The following PRSS54 variants were observed in gnomAD, a reference collection of about 807,000 sequenced individuals.
The protein encoded by PRSS54 is serine protease 54.
PRSS54 carries 16 observed loss-of-function variants against 19.9 expected under a neutral mutation model. The observed-to-expected ratio is 0.80, with a 90% CI of 0.54 to 1.22. The LOEUF is 1.22. Ranked by LOEUF, PRSS54 falls within the 50% of genes most tolerant of loss-of-function variation. PRSS54 has a pLI of 0.00. For missense variants in PRSS54, 444 were observed against 494.8 expected, an observed-to-expected ratio of 0.90 and a Z score of 0.97; for synonymous variants, 177 against 195.8, an observed-to-expected ratio of 0.90 and a Z score of 0.80.
chr16:58,283,587 T>G (rs1221521252), intron 6 of PRSS54: 1 of 152,194 alleles, frequency 6.6e-6, no homozygotes, highest in Non-Finnish European at 1.5e-5. Context: ...ATTGGCAGCA[T>G]CTTAGATCTG....
intron 3 of PRSS54, 90 bp from the exon 4 acceptor site, chr16:58,291,226 G>A (rs2142652786): frequency 2.5e-6 from 3 of 1,200,352 alleles, no homozygotes; most frequent in East Asian, 2.4e-5. Context: ...CATCACTAAC[G>A]CTATCCGCAA....
intron 3 of PRSS54, among the ~76,000 whole-genome samples, chr16:58,291,632 C>T (rs1260512817): frequency 6.6e-6 from 1 of 151,866 alleles, no homozygotes; most frequent in Non-Finnish European, 1.5e-5. Flanking sequence ...CAGGCGCCTG[C>T]CACTACCCCC....
intron 2 of PRSS54, 63 bp from the exon 3 acceptor site, chr16:58,293,885 T>C: frequency 7.4e-7 from 1 of 1,357,142 alleles, no homozygotes; most frequent in Non-Finnish European, 1.0e-6. Flanking sequence ...TTTCTATGCC[T>C]CTTTTTTCCA....
chr16:58,289,575 CTT>C (rs11371804), intron 4 of PRSS54, among the ~76,000 whole-genome samples: 1 of 146,070 alleles, frequency 6.8e-6, no homozygotes, highest in Non-Finnish European at 1.5e-5. Context: ...TTACTACATA[CTT>C]TTTTTTTTTT....
chr16:58,294,920 C>T lies in PRSS54; in HGVS notation c.-265G>A, dbSNP rs1277662456. The T allele has an allele frequency of 6.5e-6, 1 of 152,792 alleles. No individual in the cohort carries two copies. Among genetic ancestry groups the T allele is most frequent in the African/African-American group, 2.4e-5 (1 of 41,444 alleles). The allele number at this position is 152,792 out of a possible 1,614,324, so 9.5% of individuals were successfully genotyped here. A position where few individuals can be genotyped will look rare whatever the true frequency, so the allele number is the denominator to read the frequency against. On this transcript the variant is annotated 5_prime_UTR_variant, in exon 1 of 7. Coordinates refer to ENST00000567164, the MANE Select transcript of PRSS54 (RefSeq NM_001305173.2). ...ACTCATGACACTGGATGCCTCTTGT[C>T]CTCAGAATGGTCCTCAGAGTTCGTC...
At chr16:58,292,782 G>A (rs535460834) in intron 3 of PRSS54, among the ~76,000 whole-genome samples, 2 of 152,342 alleles carry the variant, frequency 1.3e-5, no homozygotes, top group South Asian at 4.1e-4. Flanking sequence ...GTTTAGGAGT[G>A]TGTGATGACT....
intron 3 of PRSS54, among the ~76,000 whole-genome samples, chr16:58,293,341 C>T (rs1434819287): frequency 1.3e-5 from 2 of 152,264 alleles, no homozygotes; most frequent in East Asian, 3.9e-4. Context: ...TCCAAGACAC[C>T]TGCAGCAGTA....
rs757740009 is a variant in PRSS54, at chr16:58,291,104, C to G, written c.118G>C (p.Gly40Arg). 5 of 1,614,006 alleles carry G rather than the reference C, an allele frequency of 3.1e-6. No homozygotes were observed. The highest frequency in any genetic ancestry group is 4.2e-6 in the Non-Finnish European group (5 of 1,180,032). Reference protein sequence around the residue: ...CGVQKASVFYGPDPKEGLVSS... With the variant: ...CGVQKASVFYRPDPKEGLVSS... Reference sequence around the variant, plus strand: ...ACCAAGCCCTCCTTGGGGTCAGGACCGTAGAAAACGGAAGCTTTCTGGACG... The same window carrying G: ...ACCAAGCCCTCCTTGGGGTCAGGACGGTAGAAAACGGAAGCTTTCTGGACG... The change falls in exon 4 of 7, where the codon GGT becomes CGT. Residue 40 changes from glycine (G) to arginine (R), a missense_variant. Gly to Arg is a moderately radical substitution (Grantham distance 125). Transcript: ENST00000567164.
intron 3 of PRSS54, among the ~76,000 whole-genome samples, chr16:58,293,367 C>G (rs1463757863): frequency 6.6e-6 from 1 of 152,146 alleles, no homozygotes; most frequent in African/African-American, 2.4e-5. Context: ...CCCCTGCTCC[C>G]GGGACCAGCC....
At chr16:58,284,504 A>G (rs1484021640) in intron 6 of PRSS54, 86 bp downstream of exon 6, 9 of 1,498,062 alleles carry the variant, frequency 6.0e-6, no homozygotes, top group Admixed American at 1.7e-5. Flanking sequence ...AGAGCTCCCC[A>G]TCTAGGGAAG....
At chr16:58,282,923 C>G (rs1345884498) in intron 6 of PRSS54, 1 of 152,294 alleles carries the variant, frequency 6.6e-6, no homozygotes, top group Non-Finnish European at 1.5e-5. Context: ...TTCCACCCAC[C>G]TGGGCACAGC....
In PRSS54 at chr16:58,294,036, G is replaced by A; in HGVS notation, c.-58C>T. ...GTGTGGTAAAGAGGCAGGACCAGTT[G>A]GCCCGCACTGTGGTTTGTGAGATGG... is the stretch of plus-strand genomic sequence containing the variant. On this transcript the variant is annotated 5_prime_UTR_variant, in exon 2 of 7. Coordinates refer to ENST00000567164, the MANE Select transcript of PRSS54 (RefSeq NM_001305173.2). 1.8e-6 allele frequency: 1 copy of A among 566,206 alleles called. No individual in the cohort carries two copies. The highest frequency in any genetic ancestry group is 3.2e-6 in the Non-Finnish European group (1 of 315,454). The allele number at this position is 566,206 out of a possible 1,614,324, so 35.1% of individuals were successfully genotyped here. A position where few individuals can be genotyped will look rare whatever the true frequency, so the allele number is the denominator to read the frequency against.
rs767672947 is a variant in PRSS54 at position 58,280,721 on chromosome 16, G to A, written c.691C>T (p.Gln231Ter). The A allele has an allele frequency of 1.2e-6, 2 of 1,610,134 alleles. No homozygotes were observed. Among genetic ancestry groups the A allele is most frequent in the South Asian group, 1.1e-5 (1 of 91,014 alleles). ...CCTCTCAGAACCCACAGATCGAACT[G>A]CTGTAGCTGGCACATCATTGGGCTT... Reference protein sequence around the residue: ...PGSPMMCQLQQFDLWVLRGVL... With the variant: ...PGSPMMCQLQ The change falls in exon 7 of 7, where the codon CAG becomes TAG. Residue 231 changes from glutamine (Q) to a stop codon, truncating the protein, a stop_gained. Coordinates refer to ENST00000567164, the MANE Select transcript of PRSS54 (RefSeq NM_001305173.2). LOFTEE classifies it low-confidence loss of function (END_TRUNC).
At position 58,280,547 on chromosome 16, in the gene PRSS54, G is replaced by C. The variant is rs1366868100; in HGVS notation, c.865C>G (p.His289Asp). 2 of 1,614,152 alleles carry C rather than the reference G, an allele frequency of 1.2e-6. No homozygotes were observed. Among genetic ancestry groups the C allele is most frequent in the Non-Finnish European group, 1.7e-6 (2 of 1,180,022 alleles). Residue 289 changes from histidine to aspartate, a missense_variant, in exon 7 of 7, where the codon CAC (histidine) becomes GAC (aspartate). Coordinates refer to ENST00000567164, the MANE Select transcript of PRSS54 (RefSeq NM_001305173.2). Reference sequence around the variant, plus strand: ...GTCATGGTGGCATTTGGTCCATGGTGGGAGAAAGAAATCAACTTTTCCCAG... The same window carrying C: ...GTCATGGTGGCATTTGGTCCATGGTCGGAGAAAGAAATCAACTTTTCCCAG... ...HHWEKLISFSHHGPNATMTQK... is the reference protein window; with the variant it reads ...HHWEKLISFSDHGPNATMTQK...
chr16:58,290,870 T>C, intron 4 of PRSS54, 89 bp downstream of exon 4: 4 of 1,453,800 alleles, frequency 2.8e-6, no homozygotes, highest in Non-Finnish European at 3.8e-6. Context: ...AATGCACCTT[T>C]CAGGGCCTCC....
chr16:58,288,531 G>C (rs1382978393), intron 4 of PRSS54, among the ~76,000 whole-genome samples: 1 of 152,114 alleles, frequency 6.6e-6, no homozygotes, highest in East Asian at 1.9e-4. Flanking sequence ...ATAGAAAATA[G>C]CCATAATGAA....
At chr16:58,285,899 A>C in intron 5 of PRSS54, 38 bp downstream of exon 5, 1 of 1,609,754 alleles carries the variant, frequency 6.2e-7, no homozygotes, top group Non-Finnish European at 8.5e-7. Context: ...CACTGCCAGC[A>C]CACACGCAGC....
At position 58,284,590 on chromosome 16, in the gene PRSS54, C is replaced by T. The variant is rs200521147; in HGVS notation, c.654G>A (p.Leu218=). ...AGCTTCTACTCCATGATGTTCTTACCAAGCAGGCAGTCTTGGTTTCCTCTT... is the reference window on the plus strand; with the variant it reads ...AGCTTCTACTCCATGATGTTCTTACTAAGCAGGCAGTCTTGGTTTCCTCTT... ...HTKEETKTAC[L]GDPGSPMMCQ... Residue 218 remains leucine (L), a splice_region_variant and synonymous_variant, in exon 6 of 7, where the codon TTG becomes TTA. Coordinates refer to ENST00000567164, the MANE Select transcript of PRSS54 (RefSeq NM_001305173.2). 6 of 1,613,832 alleles carry T rather than the reference C, an allele frequency of 3.7e-6. No individual in the cohort carries two copies. The highest frequency in any genetic ancestry group is 5.1e-6 in the Non-Finnish European group (6 of 1,179,848).
Position 58,281,195 on chromosome 16 carries a change from G to A in PRSS54, c.655-438C>T, listed in dbSNP as rs559487402. 2.8e-4 allele frequency: 49 copies of A among 172,284 alleles called. No homozygotes were observed. In the South Asian group the frequency reaches 3.3e-3, roughly 11 times the overall value. 10.7% of individuals were successfully genotyped at this position (172,284 alleles called of 1,614,324 possible). A position where few individuals can be genotyped will look rare whatever the true frequency, so the allele number is the denominator to read the frequency against. Reference sequence around the variant, plus strand: ...CAACTGCTTACCAGCCTGGCTGGCCGTGCTCTGGGTCTTCCCTACTCCCAA... The same window carrying A: ...CAACTGCTTACCAGCCTGGCTGGCCATGCTCTGGGTCTTCCCTACTCCCAA... On this transcript the variant is annotated intron_variant, in intron 6 of 6. Transcript: ENST00000567164.
Sources: gnomAD v4.1 joint callset for allele counts (sites outside exome capture counted in the v4.1 genomes callset) on GRCh38, gnomAD v4.1.1 for gene constraint, MANE v1.5 for transcripts, NCBI Gene and HGNC (gene_info 2026-07-23, HGNC 2026-07-21) for gene names.